Variants in FHIT observed in about 807,000 individuals in gnomAD.
The protein encoded by FHIT is bis(5'-adenosyl)-triphosphatase.
FHIT carries 19 observed loss-of-function variants against 17.9 expected under a neutral mutation model. The observed-to-expected ratio is 1.06, with a 90% confidence interval of 0.74 to 1.56. The LOEUF is 1.56. Ranked by LOEUF, FHIT falls within the 40% of genes most tolerant of loss-of-function variation. The probability of loss-of-function intolerance (pLI) is 0.00; values close to 1 mark genes in which losing one functional copy is unlikely to be tolerated. For missense variants in FHIT, 248 were observed against 189.2 expected (o/e 1.31, Z -1.82); for synonymous variants, 81 against 69.7 (o/e 1.16, Z -0.81).
intron 5 of FHIT, among the ~76,000 whole-genome samples, chr3:60,437,485 G>T (rs144847994): frequency 6.6e-6 from 1 of 152,074 alleles, no homozygotes. Flanking sequence ...CTCTATGCCC[G>T]CCATGACACA....
intron 5 of FHIT, among the ~76,000 whole-genome samples, chr3:60,410,901 A>G (rs1702035699): frequency 6.6e-6 from 1 of 152,266 alleles, no homozygotes; most frequent in African/African-American, 2.4e-5. Flanking sequence ...TGGAGTAATA[A>G]GACAGAGAAC....
chr3:60,464,670 G>T (rs378022), intron 5 of FHIT, among the ~76,000 whole-genome samples: 6 of 151,940 alleles, frequency 3.9e-5, no homozygotes, highest in East Asian at 3.9e-4. Context: ...GTTCCATCCA[G>T]GTTGTTGCAA....
chr3:60,461,908 C>G (rs906518364), intron 5 of FHIT, among the ~76,000 whole-genome samples: 2 of 152,260 alleles, frequency 1.3e-5, no homozygotes, highest in Middle Eastern at 3.4e-3. Context: ...GAACCCCCGC[C>G]CCCCTTTAAG....
intron 8 of FHIT, among the ~76,000 whole-genome samples, chr3:59,868,393 G>T (rs529880151): frequency 2.6e-5 from 4 of 152,192 alleles, no homozygotes; most frequent in African/African-American, 9.6e-5. Flanking sequence ...ATGATAATGG[G>T]GAATGTGTAA....
At chr3:60,513,789 T>C (rs1576791828) in intron 5 of FHIT, among the ~76,000 whole-genome samples, 3 of 152,174 alleles carry the variant, frequency 2.0e-5, no homozygotes, top group Non-Finnish European at 2.9e-5. Context: ...ATAGGCATGC[T>C]TGTTTTTGTG....
intron 4 of FHIT, among the ~76,000 whole-genome samples, chr3:60,595,785 A>G (rs1050713788): frequency 1.3e-5 from 2 of 151,914 alleles, no homozygotes; most frequent in Non-Finnish European, 1.5e-5. Context: ...CTGTAACTAC[A>G]GGCATGCACC....
At chr3:59,805,500 A>T (rs949433347) in intron 8 of FHIT, among the ~76,000 whole-genome samples, 2 of 152,170 alleles carry the variant, frequency 1.3e-5, no homozygotes, top group African/African-American at 4.8e-5. Flanking sequence ...GAATGTTCTT[A>T]TCTCTGAAGA....
chr3:61,212,449 A>G (rs1009925535), intron 1 of FHIT, among the ~76,000 whole-genome samples: 3 of 152,218 alleles, frequency 2.0e-5, no homozygotes, highest in African/African-American at 7.2e-5. Context: ...AGAAGTTTAG[A>G]GAAAAAATAA....
intron 5 of FHIT, among the ~76,000 whole-genome samples, chr3:60,050,083 C>A (rs1701811140): frequency 6.6e-6 from 1 of 152,094 alleles, no homozygotes; most frequent in Admixed American, 6.6e-5. Flanking sequence ...TCGTAAACTG[C>A]CCATTTATAT....
chr3:60,657,373 T>TC (rs1238376476), intron 4 of FHIT, among the ~76,000 whole-genome samples: 2 of 152,010 alleles, frequency 1.3e-5, no homozygotes, highest in African/African-American at 4.8e-5. Context: ...TGCCAATAGA[T>TC]CCCCCTTGGG....
chr3:61,117,078 GCTTCCAATAATTTTATTAAGGC>G (rs1421560830), intron 2 of FHIT, among the ~76,000 whole-genome samples: 2 of 152,106 alleles, frequency 1.3e-5, no homozygotes, highest in East Asian at 1.9e-4. Context: ...TTTAAAGAAA[GCTTCCAATAATTTTATTAAGGC>G]CTTCCAATAA....
rs921929026 is a variant in FHIT, at chr3:60,309,745, CT to C, written c.103+227114del. ...GTTGCTTGCTTCCTTTCCTGTTTAACTTTTTTTTTCAATATAGAACCATGTG... is the reference window on the plus strand; with the variant it reads ...GTTGCTTGCTTCCTTTCCTGTTTAACTTTTTTTTCAATATAGAACCATGTG... On this transcript the variant is annotated intron_variant, in intron 5 of 9. Transcript: ENST00000492590. Among the ~76,000 whole-genome samples the C allele has an allele frequency of 1.2e-4, 18 of 151,470 alleles. No homozygotes were observed. In the East Asian group the frequency reaches 1.9e-3, roughly 16 times the overall value.
rs1165844528 is a variant in FHIT, at chr3:60,162,537, T to C, written c.104-148385A>G. 2.6e-5 allele frequency among the ~76,000 whole-genome samples: 4 copies of C among 152,296 alleles called. No individual in the cohort carries two copies. The East Asian group carries it at 7.7e-4, about 29-fold the overall frequency. Reference sequence around the variant, plus strand: ...GGGATCATAGTAGTGGGGCATCTGGTTTTCTTCTGATAGTGCTATTTGTTA... The same window carrying C: ...GGGATCATAGTAGTGGGGCATCTGGCTTTCTTCTGATAGTGCTATTTGTTA... On this transcript the variant is annotated intron_variant, in intron 5 of 9. Coordinates refer to ENST00000492590, the MANE Select transcript of FHIT (RefSeq NM_002012.4).
intron 4 of FHIT, among the ~76,000 whole-genome samples, chr3:60,741,439 C>G (rs575262485): frequency 1.3e-5 from 2 of 152,320 alleles, no homozygotes; most frequent in African/African-American, 4.8e-5. Flanking sequence ...GGTAAGGATG[C>G]CCTGAAGCAG....
At chr3:61,132,434 C>T (rs778093602) in intron 2 of FHIT, among the ~76,000 whole-genome samples, 1 of 152,188 alleles carries the variant, frequency 6.6e-6, no homozygotes, top group Non-Finnish European at 1.5e-5. Flanking sequence ...ACAACATAAT[C>T]TTGGTGCCAG....
intron 5 of FHIT, among the ~76,000 whole-genome samples, chr3:60,300,407 G>A (rs911293301): frequency 6.6e-6 from 1 of 152,114 alleles, no homozygotes; most frequent in Non-Finnish European, 1.5e-5. Context: ...TTACAAAGTG[G>A]GGAGGATTAG....
intron 5 of FHIT, among the ~76,000 whole-genome samples, chr3:60,267,062 C>A (rs958622239): frequency 2.0e-5 from 3 of 151,916 alleles, no homozygotes; most frequent in Non-Finnish European, 4.4e-5. Flanking sequence ...AGATAAGGGA[C>A]AGAAGAAGAG....
chr3:61,012,795 T>C (rs2031867630), intron 3 of FHIT, among the ~76,000 whole-genome samples: 1 of 151,836 alleles, frequency 6.6e-6, no homozygotes, highest in South Asian at 2.1e-4. Context: ...TTTTGAAATG[T>C]AGAGGATTAT....
chr3:59,797,613 A>C (rs1008010563), intron 8 of FHIT, among the ~76,000 whole-genome samples: 1 of 152,188 alleles, frequency 6.6e-6, no homozygotes, highest in African/African-American at 2.4e-5. Flanking sequence ...GTTTCATCAC[A>C]CAGTAACCCA....
Sources: gnomAD v4.1 joint callset for allele counts (sites outside exome capture counted in the v4.1 genomes callset) on GRCh38, gnomAD v4.1.1 for gene constraint, MANE v1.5 for transcripts, NCBI Gene and HGNC (gene_info 2026-07-23, HGNC 2026-07-21) for gene names.